GAK: variants seen among roughly 807,000 people sequenced by gnomAD.
GAK encodes cyclin G associated kinase, also known as cyclin-G-associated kinase.
GAK carries 79 observed loss-of-function variants against 143.9 expected under a neutral mutation model. The observed-to-expected ratio is 0.55, with a 90% CI of 0.46 to 0.66. The LOEUF (loss-of-function observed/expected upper bound fraction) is 0.66, where lower values mean the gene tolerates loss of function less well. Ranked by LOEUF, GAK falls within the 30% of genes least tolerant of loss-of-function variation. The pLI, the probability that GAK is intolerant of heterozygous loss-of-function variation, is 0.00. For synonymous variants in GAK, 881 were observed against 765.5 expected (o/e 1.15, Z -2.49); for missense variants, 1,693 against 1,779.7 (o/e 0.95, Z 0.88).
At chr4:877,913 T>C in intron 15 of GAK, 104 bp from the exon 16 acceptor site, 2 of 1,015,538 alleles carry the variant, frequency 2.0e-6, no homozygotes, top group East Asian at 2.7e-5. Flanking sequence ...AAATTTCCCT[T>C]GTAGCAATGT....
chr4:891,606 C>A (rs891402305), intron 9 of GAK, among the ~76,000 whole-genome samples: 2 of 152,090 alleles, frequency 1.3e-5, no homozygotes, highest in African/African-American at 4.8e-5. Flanking sequence ...ACTGAGGACC[C>A]CGCCCCATCA....
chr4:854,124 T>C (rs558609440), intron 24 of GAK, among the ~76,000 whole-genome samples: 57 of 151,808 alleles, frequency 3.8e-4, no homozygotes, highest in African/African-American at 1.2e-3. Context: ...CTTTCTTTTT[T>C]TTTTTTTTTT....
At chr4:855,644 C>G (rs766095783) in intron 24 of GAK, among the ~76,000 whole-genome samples, 3 of 152,206 alleles carry the variant, frequency 2.0e-5, no homozygotes, top group Non-Finnish European at 1.5e-5. Flanking sequence ...CACTCCTGCC[C>G]TGTTCCTGAT....
intron 1 of GAK, among the ~76,000 whole-genome samples, chr4:926,607 A>G (rs112388755): frequency 0.012 from 1,794 of 152,286 alleles, 35 homozygotes; most frequent in African/African-American, 0.041. Context: ...AAGAGCCCCT[A>G]AGGGTTGCTG....
chr4:866,582 G>A, intron 21 of GAK, 48 bp from the exon 22 acceptor site: 1 of 1,587,578 alleles, frequency 6.3e-7, no homozygotes, highest in South Asian at 1.1e-5. Context: ...GCTGCCTGAA[G>A]ACAAAGGAGC....
Position 888,835 on chromosome 4 carries a change from C to A in GAK, c.1205+12G>T, listed in dbSNP as rs776161661. The stretch of plus-strand genomic sequence containing the variant: ...GTGCGGCAGGTCCAGGGCTCTGGAG[C>A]CTCACACTCACTTAGCGACGGACTG... On this transcript the variant is annotated intron_variant, in intron 11 of 27. Transcript: ENST00000314167. 1 of 1,596,862 alleles carries A rather than the reference C, an allele frequency of 6.3e-7. No individual in the cohort carries two copies. Among genetic ancestry groups the A allele is most frequent in the Admixed American group, 1.8e-5 (1 of 56,420 alleles).
chr4:891,714 C>G (rs981791012), intron 9 of GAK, among the ~76,000 whole-genome samples: 2 of 152,190 alleles, frequency 1.3e-5, no homozygotes, highest in Non-Finnish European at 2.9e-5. Flanking sequence ...CCCACACCCC[C>G]CTGCGAGCCC....
At chr4:901,705 G>C (rs1374502512) in intron 5 of GAK, among the ~76,000 whole-genome samples, 1 of 152,238 alleles carries the variant, frequency 6.6e-6, no homozygotes, top group East Asian at 1.9e-4. Context: ...TGCTCCACAA[G>C]AGACGCCACG....
At position 865,242 on chromosome 4, in the gene GAK, C is replaced by T. The variant is rs769036564; in HGVS notation, c.3046G>A (p.Asp1016Asn). 17 of 1,613,270 alleles carry T rather than the reference C, an allele frequency of 1.1e-5. No homozygotes were observed. The highest frequency in any genetic ancestry group is 1.4e-5 in the Non-Finnish European group (16 of 1,179,832). ...SCSADFLHLG[D>N]LPGEPSKMTA... ...ATCTTGCTGGGCTCTCCTGGCAGAT[C>T]CCCTGGGAAGAAGGAACCAGAAGAG... The change falls in exon 23 of 28, where the codon GAT becomes AAT. Residue 1016 changes from aspartate to asparagine, a missense_variant and splice_region_variant. Physicochemically the swap from Asp to Asn is conservative, Grantham distance 23 (BLOSUM62 1). Transcript: ENST00000314167.
intron 23 of GAK, among the ~76,000 whole-genome samples, chr4:862,089 T>C (rs889422076): frequency 6.6e-6 from 1 of 151,658 alleles, no homozygotes; most frequent in Non-Finnish European, 1.5e-5. Context: ...CGCCAGACTC[T>C]CCATGCAGAC....
At chr4:875,966 G>C (rs1713774301) in intron 18 of GAK, among the ~76,000 whole-genome samples, 1 of 152,240 alleles carries the variant, frequency 6.6e-6, no homozygotes, top group Non-Finnish European at 1.5e-5. Context: ...CCTCCAGTTA[G>C]AATCAGGACG....
intron 5 of GAK, among the ~76,000 whole-genome samples, chr4:901,660 C>T (rs1243826474): frequency 3.3e-5 from 5 of 152,204 alleles, no homozygotes; most frequent in Admixed American, 6.5e-5. Flanking sequence ...GCAGCTGAGG[C>T]GGGTGCTGGG....
intron 23 of GAK, among the ~76,000 whole-genome samples, chr4:862,080 G>T (rs1210556685): frequency 6.6e-6 from 1 of 151,950 alleles, no homozygotes; most frequent in South Asian, 2.1e-4. Flanking sequence ...GGCTGCACCC[G>T]CCAGACTCTC....
chr4:907,783 C>T (rs561715226), intron 4 of GAK, among the ~76,000 whole-genome samples: 179 of 152,348 alleles, frequency 1.2e-3, no homozygotes, highest in Non-Finnish European at 2.1e-3. Flanking sequence ...ACGGCTCTCC[C>T]CTGGCACAGC....
At chr4:915,523 A>G (rs1349703923) in intron 1 of GAK, 1 of 152,320 alleles carries the variant, frequency 6.6e-6, no homozygotes, top group Non-Finnish European at 1.5e-5. Flanking sequence ...ATGTGGACCC[A>G]AGAATTCTTC....
chr4:909,234 C>T (rs538122057), intron 4 of GAK, among the ~76,000 whole-genome samples: 55 of 152,380 alleles, frequency 3.6e-4, no homozygotes, highest in African/African-American at 1.1e-3. Flanking sequence ...GGAGGCCCCA[C>T]GGCGTGATGC....
chr4:875,778 C>T (rs1029708475), intron 18 of GAK, among the ~76,000 whole-genome samples: 54 of 152,362 alleles, frequency 3.5e-4, no homozygotes, highest in African/African-American at 1.2e-3. Flanking sequence ...CCCATCTCTA[C>T]TAAAAATACA....
At chr4:918,727 T>C (rs1424102551) in intron 1 of GAK, among the ~76,000 whole-genome samples, 1 of 152,176 alleles carries the variant, frequency 6.6e-6, no homozygotes, top group East Asian at 1.9e-4. Context: ...TCAGATGCCA[T>C]GACTGGAAAG....
At position 911,732 on chromosome 4, in the gene GAK, C is replaced by G; in HGVS notation, c.323G>C (p.Gly108Ala). 6.2e-7 allele frequency: 1 copy of G among 1,614,092 alleles called. No individual in the cohort carries two copies. The highest frequency in any genetic ancestry group is 8.5e-7 in the Non-Finnish European group (1 of 1,179,984). Residue 108 changes from glycine (G) to alanine (A), a missense_variant, in exon 4 of 28, where the codon GGA (glycine) becomes GCA (alanine). Around this residue, in one of 2 missense-constraint regions of GAK, gnomAD observed 871 missense variants for 991.0 expected, o/e 0.88. Transcript: ENST00000314167. ...CTGCCCCGTGTCTGACTCCTCTTTT[C>G]CTATAGACGCTGCAGAACAAAACTG... ...IVQFCSAASI[G>A]KEESDTGQAE...
Sources: gnomAD v4.1 joint callset for allele counts (sites outside exome capture counted in the v4.1 genomes callset) on GRCh38, gnomAD v4.1.1 for gene constraint, gnomAD v4.1.1 regional missense constraint, MANE v1.5 for transcripts, NCBI Gene and HGNC (gene_info 2026-07-23, HGNC 2026-07-21) for gene names.